The following NBPF4 variants were observed in gnomAD, a reference collection of about 807,000 sequenced individuals.
NBPF4 encodes NBPF member 4.
Under a neutral mutation model 21.1 loss-of-function variants are expected in NBPF4, and 11 were observed. That is an observed-to-expected ratio of 0.52 (90% CI 0.33 to 0.86). The LOEUF (loss-of-function observed/expected upper bound fraction) is 0.86, where lower values mean the gene tolerates loss of function less well. NBPF4 is among the 40% of genes least tolerant of loss of function. The probability of loss-of-function intolerance (pLI) is 0.03; values close to 1 mark genes in which losing one functional copy is unlikely to be tolerated. For missense variants in NBPF4, 88 were observed against 265.3 expected (o/e 0.33, Z 4.64); for synonymous variants, 47 against 106.4 (o/e 0.44, Z 3.43).
intron 13 of NBPF4, among the ~76,000 whole-genome samples, chr1:108,228,560 G>A (rs915557720): frequency 6.6e-6 from 1 of 151,976 alleles, no homozygotes; most frequent in Non-Finnish European, 1.5e-5. Context: ...AAGATAAAAG[G>A]ATTAGATAAC....
the NBPF4 span, among the ~76,000 whole-genome samples, chr1:108,268,538 GTTAT>G: frequency 9.8e-6 from 1 of 101,724 alleles, no homozygotes; most frequent in African/African-American, 4.0e-5. Flanking sequence ...TTTTAAAGGA[GTTAT>G]TTAATTTCTT....
chr1:108,257,762 CTTTTTTTTTT>C, the NBPF4 span, among the ~76,000 whole-genome samples: 2 of 54,774 alleles, frequency 3.7e-5, no homozygotes, highest in Admixed American at 2.4e-4. Context: ...CTTTTCTTTT[CTTTTTTTTTT>C]TTTTTTTTTT....
At chr1:108,265,221 AG>A in the NBPF4 span, among the ~76,000 whole-genome samples, 1 of 137,290 alleles carries the variant, frequency 7.3e-6, no homozygotes, top group Admixed American at 7.6e-5. Flanking sequence ...ACTGTCAAAA[AG>A]TGGGCGAAGG....
intron 3 of NBPF4, among the ~76,000 whole-genome samples, 174 bp from the exon 4 acceptor site, chr1:108,241,338 AT>A (rs1649704858): frequency 9.8e-6 from 1 of 101,562 alleles, no homozygotes; most frequent in African/African-American, 3.1e-5. Context: ...ATATATATAT[AT>A]ACACACACAC....
At chr1:108,224,665 A>G (rs1170151848) in intron 14 of NBPF4, among the ~76,000 whole-genome samples, 3 of 130,954 alleles carry the variant, frequency 2.3e-5, no homozygotes, top group Non-Finnish European at 4.9e-5. Flanking sequence ...TTGATTCCAC[A>G]TCCGGTTCCA....
upstream of NBPF4, among the ~76,000 whole-genome samples, chr1:108,244,935 TATATATATATATAC>T (rs1649788796): frequency 2.8e-5 from 1 of 35,142 alleles, no homozygotes; most frequent in African/African-American, 9.5e-5. Context: ...TATATATATA[TATATATATATATAC>T]ACACACATAT....
rs1328123544 is a variant in NBPF4 at position 108,222,800 on chromosome 1, T to C, written c.*905A>G. On this transcript the variant is annotated 3_prime_UTR_variant, in exon 15 of 15. Coordinates refer to ENST00000415641, the MANE Select transcript of NBPF4 (RefSeq NM_001143989.3). ...AAGAAGATCACTAGAATACAGGATA[T>C]TTATACTATTTCAAACCACTTTCCA... 6.6e-6 allele frequency among the ~76,000 whole-genome samples: 1 copy of C among 152,116 alleles called. No individual in the cohort carries two copies. Among genetic ancestry groups the C allele is most frequent in the Non-Finnish European group, 1.5e-5 (1 of 68,026 alleles).
At chr1:108,248,110 G>T (rs1259847284), upstream of NBPF4, among the ~76,000 whole-genome samples, 1 of 151,858 alleles carries the variant, frequency 6.6e-6, no homozygotes, top group Non-Finnish European at 1.5e-5. Context: ...TGGCGTGTTT[G>T]TTTTTAAAAA....
intron 14 of NBPF4, among the ~76,000 whole-genome samples, chr1:108,226,275 T>A (rs931765198): frequency 4.0e-5 from 6 of 151,522 alleles, no homozygotes; most frequent in Non-Finnish European, 8.8e-5. Flanking sequence ...AATGATGTAT[T>A]AAAGCAATGA....
At chr1:108,256,566 TCCTCC>T in the NBPF4 span, among the ~76,000 whole-genome samples, 3 of 73,568 alleles carry the variant, frequency 4.1e-5, no homozygotes, top group Non-Finnish European at 7.3e-5. Context: ...GCCCTCCCTC[TCCTCC>T]CCTCCCCTCC....
chr1:108,257,456 A>C, the NBPF4 span, among the ~76,000 whole-genome samples: 6 of 151,152 alleles, frequency 4.0e-5, no homozygotes, highest in African/African-American at 1.2e-4. Context: ...CTTCAACCTA[A>C]CTGTATTTTT....
chr1:108,223,447 A>G lies in NBPF4; in HGVS notation c.*258T>C. On this transcript the variant is annotated 3_prime_UTR_variant, in exon 15 of 15. Transcript: ENST00000415641. ...CCTGTTCTCTACACGATGGGAATTG[A>G]GAAACAGGGCTAACGCCGGTCAATG... 1 of 438,868 alleles carries G rather than the reference A, an allele frequency of 2.3e-6. No individual in the cohort carries two copies. Among genetic ancestry groups the G allele is most frequent in the South Asian group, 3.2e-5 (1 of 30,888 alleles). 27.2% of individuals were successfully genotyped at this position (438,868 alleles called of 1,614,324 possible).
chr1:108,257,862 C>T, the NBPF4 span, among the ~76,000 whole-genome samples: 4 of 137,770 alleles, frequency 2.9e-5, no homozygotes, highest in African/African-American at 1.2e-4. Context: ...GATTCTTGTG[C>T]CTCAGCCTCC....
intron 14 of NBPF4, among the ~76,000 whole-genome samples, chr1:108,224,516 A>C (rs531591720): frequency 6.8e-6 from 1 of 147,388 alleles, no homozygotes; most frequent in Admixed American, 6.9e-5. Flanking sequence ...AAAATAAAAA[A>C]TATATATAAT....
chr1:108,222,584 A>G lies in NBPF4; in HGVS notation c.*1121T>C, dbSNP rs1021180937. 6.6e-6 allele frequency among the ~76,000 whole-genome samples: 1 copy of G among 152,210 alleles called. No individual in the cohort carries two copies. Among genetic ancestry groups the G allele is most frequent in the African/African-American group, 2.4e-5 (1 of 41,460 alleles). On this transcript the variant is annotated 3_prime_UTR_variant, in exon 15 of 15. Coordinates refer to ENST00000415641, the MANE Select transcript of NBPF4 (RefSeq NM_001143989.3). ...AGAGAATATTCTTTTTCACAACAGA[A>G]TGCCAGCAAAAAGAAATTAAAATTA...
At chr1:108,244,945 TATACACAC>T (rs1438914659), upstream of NBPF4, among the ~76,000 whole-genome samples, 53 of 37,968 alleles carry the variant, frequency 1.4e-3, 1 homozygote, top group African/African-American at 4.8e-3. Flanking sequence ...TATATATATA[TATACACAC>T]ACATATAGAG....
rs969139842 is a variant in NBPF4, at chr1:108,226,184, C to T, written c.1875+495G>A. On this transcript the variant is annotated intron_variant, in intron 14 of 14. Coordinates refer to ENST00000415641, the MANE Select transcript of NBPF4 (RefSeq NM_001143989.3). ...CTTAGTGCTTAGTTTTAACACTTCTCATTCAGAGGAACAAGTGATGATTAA... is the reference window on the plus strand; with the variant it reads ...CTTAGTGCTTAGTTTTAACACTTCTTATTCAGAGGAACAAGTGATGATTAA... 2.5e-4 allele frequency among the ~76,000 whole-genome samples: 37 copies of T among 149,484 alleles called. 1 individual carries two copies. The highest frequency in any genetic ancestry group is 8.7e-4 in the African/African-American group (35 of 40,096).
At chr1:108,257,582 A>C in the NBPF4 span, among the ~76,000 whole-genome samples, 2 of 143,824 alleles carry the variant, frequency 1.4e-5, no homozygotes, top group African/African-American at 5.4e-5. Context: ...TTTTATACAC[A>C]TATAGATGTC....
chr1:108,244,947 TAC>T (rs372222400), upstream of NBPF4, among the ~76,000 whole-genome samples: 44 of 34,942 alleles, frequency 1.3e-3, 6 homozygotes, highest in African/African-American at 4.0e-3. Flanking sequence ...TATATATATA[TAC>T]ACACACATAT....
Sources: gnomAD v4.1 joint callset for allele counts (sites outside exome capture counted in the v4.1 genomes callset) on GRCh38, gnomAD v4.1.1 for gene constraint, MANE v1.5 for transcripts, NCBI Gene and HGNC (gene_info 2026-07-23, HGNC 2026-07-21) for gene names.